Variants in SCHIP1 observed in about 807,000 individuals in gnomAD.
The protein encoded by SCHIP1 is schwannomin interacting protein 1.
A neutral mutation model predicts 29.7 loss-of-function variants in SCHIP1; 8 were observed. That is an observed-to-expected ratio of 0.27 (90% confidence interval 0.16 to 0.49). The LOEUF is 0.49. Among genes scored for constraint, SCHIP1 ranks in the 20% least tolerant of loss-of-function variants. SCHIP1 has a pLI of 0.99. For synonymous variants in SCHIP1, 76 were observed against 94.9 expected, an observed-to-expected ratio of 0.80 and a Z score of 1.16; for missense variants, 193 against 294.6, an observed-to-expected ratio of 0.66 and a Z score of 2.52.
At chr3:159,685,624 C>A in the SCHIP1 span, among the ~76,000 whole-genome samples, 3 of 152,156 alleles carry the variant, frequency 2.0e-5, no homozygotes, top group African/African-American at 7.2e-5. Context: ...ATTTATTTTA[C>A]TTGCAAAAAG....
chr3:159,774,599 T>C, the SCHIP1 span, among the ~76,000 whole-genome samples: 1 of 152,208 alleles, frequency 6.6e-6, no homozygotes, highest in South Asian at 2.1e-4. Context: ...TCCCGTAAAG[T>C]GTAGGTAGTT....
chr3:159,747,806 G>A, the SCHIP1 span, among the ~76,000 whole-genome samples: 11 of 152,180 alleles, frequency 7.2e-5, no homozygotes, highest in Non-Finnish European at 2.9e-5. Flanking sequence ...ATATATATGT[G>A]TATACTAAAT....
the SCHIP1 span, among the ~76,000 whole-genome samples, chr3:159,684,381 C>G: frequency 6.6e-6 from 1 of 152,180 alleles, no homozygotes; most frequent in African/African-American, 2.4e-5. Flanking sequence ...GGTGTTTTCT[C>G]ACTGTGGCCA....
the SCHIP1 span, among the ~76,000 whole-genome samples, chr3:159,279,858 G>A: frequency 6.6e-6 from 1 of 152,074 alleles, no homozygotes; most frequent in Non-Finnish European, 1.5e-5. Context: ...CACACAAGAG[G>A]CAACATTATT....
At chr3:159,630,942 G>T in the SCHIP1 span, among the ~76,000 whole-genome samples, 3 of 152,078 alleles carry the variant, frequency 2.0e-5, no homozygotes, top group Admixed American at 2.0e-4. Context: ...CTCCTGATTT[G>T]GGTAGTGGTG....
At chr3:159,472,908 A>C in the SCHIP1 span, among the ~76,000 whole-genome samples, 20 of 152,328 alleles carry the variant, frequency 1.3e-4, no homozygotes, top group African/African-American at 4.8e-4. Context: ...GTTGTGATGC[A>C]GTTGAGTCAA....
chr3:159,724,855 T>C, the SCHIP1 span, among the ~76,000 whole-genome samples: 1 of 152,386 alleles, frequency 6.6e-6, no homozygotes, highest in Non-Finnish European at 1.5e-5. Context: ...TGTAACTCAA[T>C]GGGAATTCAG....
intron 1 of SCHIP1, among the ~76,000 whole-genome samples, chr3:159,848,126 T>G (rs1712093665): frequency 6.6e-6 from 1 of 152,200 alleles, no homozygotes; most frequent in African/African-American, 2.4e-5. Context: ...AAGCATTAAC[T>G]CACGTGAGCA....
the SCHIP1 span, among the ~76,000 whole-genome samples, chr3:159,774,495 T>C: frequency 3.9e-5 from 6 of 152,224 alleles, no homozygotes; most frequent in African/African-American, 1.4e-4. Flanking sequence ...TTTATGCATA[T>C]ACTTAATCTA....
At chr3:159,829,876 A>T in the SCHIP1 span, among the ~76,000 whole-genome samples, 1 of 152,204 alleles carries the variant, frequency 6.6e-6, no homozygotes, top group African/African-American at 2.4e-5. Flanking sequence ...AATATATCAA[A>T]TGAGAAGGTA....
At chr3:159,705,995 G>A in the SCHIP1 span, among the ~76,000 whole-genome samples, 3 of 152,088 alleles carry the variant, frequency 2.0e-5, no homozygotes, top group Non-Finnish European at 2.9e-5. Flanking sequence ...GTGAGCCACC[G>A]CACCAGGCCT....
chr3:159,548,062 C>T, the SCHIP1 span, among the ~76,000 whole-genome samples: 1 of 151,906 alleles, frequency 6.6e-6, no homozygotes, highest in African/African-American at 2.4e-5. Context: ...TTTTATAAAT[C>T]ACTCTGTAAT....
At chr3:159,876,999 AGAGTT>A (rs1378780657) in intron 2 of SCHIP1, among the ~76,000 whole-genome samples, 4 of 152,318 alleles carry the variant, frequency 2.6e-5, no homozygotes, top group Admixed American at 6.5e-5. Context: ...GTGGGCTGAT[AGAGTT>A]AAGTACTGCA....
chr3:159,316,366 G>A, the SCHIP1 span, among the ~76,000 whole-genome samples: 4 of 152,156 alleles, frequency 2.6e-5, no homozygotes, highest in Non-Finnish European at 5.9e-5. Context: ...AAGATGTAGG[G>A]TGGGAGGCTA....
chr3:159,430,594 T>C, the SCHIP1 span, among the ~76,000 whole-genome samples: 1 of 152,118 alleles, frequency 6.6e-6, no homozygotes, highest in Non-Finnish European at 1.5e-5. Flanking sequence ...TTAGGCTTGA[T>C]AGGTTTGTTC....
chr3:159,832,221 C>T, the SCHIP1 span, among the ~76,000 whole-genome samples: 9 of 152,146 alleles, frequency 5.9e-5, no homozygotes, highest in Non-Finnish European at 1.2e-4. Flanking sequence ...GCTCCTGTAT[C>T]TTCCCCTATC....
chr3:159,817,691 G>A, the SCHIP1 span, among the ~76,000 whole-genome samples: 1 of 152,134 alleles, frequency 6.6e-6, no homozygotes, highest in Non-Finnish European at 1.5e-5. Context: ...TAGAGTTTTT[G>A]TTTTGTTTTG....
the SCHIP1 span, among the ~76,000 whole-genome samples, chr3:159,550,121 T>G: frequency 2.0e-5 from 3 of 152,028 alleles, no homozygotes; most frequent in Non-Finnish European, 2.9e-5. Flanking sequence ...TTAATTATCT[T>G]AATTATCTTT....
chr3:159,644,864 G>T, the SCHIP1 span, among the ~76,000 whole-genome samples: 21 of 151,936 alleles, frequency 1.4e-4, no homozygotes, highest in Non-Finnish European at 2.5e-4. Context: ...AGAAATTTGG[G>T]GGAATAAAAA....
Sources: gnomAD v4.1 joint callset for allele counts (sites outside exome capture counted in the v4.1 genomes callset) on GRCh38, gnomAD v4.1.1 for gene constraint, MANE v1.5 for transcripts, NCBI Gene and HGNC (gene_info 2026-07-23, HGNC 2026-07-21) for gene names.